Variants in SCGB2B2 observed in about 807,000 individuals in gnomAD.
SCGB2B2 encodes secretoglobin-like protein.
A neutral mutation model predicts 7.6 loss-of-function variants in SCGB2B2; 11 were observed. The observed-to-expected ratio is 1.45, with a 90% CI of 0.91 to 2.40. The LOEUF is 2.40. Ranked by LOEUF, SCGB2B2 falls within the 30% of genes most tolerant of loss-of-function variation. The probability of loss-of-function intolerance (pLI) is 0.00; values close to 1 mark genes in which losing one functional copy is unlikely to be tolerated. For missense variants in SCGB2B2, 104 were observed against 115.4 expected (o/e 0.90, Z 0.45); for synonymous variants, 50 against 48.6 (o/e 1.03, Z -0.12).
chr19:34,627,272 T>G (rs2066405905), intron 1 of SCGB2B2, among the ~76,000 whole-genome samples: 1 of 152,154 alleles, frequency 6.6e-6, no homozygotes, highest in Non-Finnish European at 1.5e-5. Flanking sequence ...TAACCTTAAA[T>G]GTAAATGGGC....
At chr19:34,618,475 T>G (rs2066150994) in intron 1 of SCGB2B2, among the ~76,000 whole-genome samples, 1 of 152,232 alleles carries the variant, frequency 6.6e-6, no homozygotes, top group Admixed American at 6.5e-5. Flanking sequence ...CCTTCAAATC[T>G]TAGCCAACTT....
rs193068434 is a variant in SCGB2B2 at position 34,595,782 on chromosome 19, T to G, written c.-1219A>C. ...TGTCTCCTGACAGGACCCTAAATTG[T>G]AAGTGTGACCCCAGGGGCAGAATCA... is the stretch of plus-strand genomic sequence containing the variant. On this transcript the variant is annotated 5_prime_UTR_variant, in exon 2 of 4. Coordinates refer to ENST00000601241, the MANE Select transcript of SCGB2B2 (RefSeq NM_001025591.4). 1 of 152,340 alleles carries G rather than the reference T, an allele frequency of 6.6e-6. No individual in the cohort carries two copies. Among genetic ancestry groups the G allele is most frequent in the Admixed American group, 6.5e-5 (1 of 15,292 alleles). 9.4% of individuals were successfully genotyped at this position (152,340 alleles called of 1,614,324 possible). A position where few individuals can be genotyped will look rare whatever the true frequency, so the allele number is the denominator to read the frequency against.
At chr19:34,645,535 GACACAGACACACACAC>G (rs1437596619) in intron 1 of SCGB2B2, 1,693 of 136,994 alleles carry the variant, frequency 0.012, 3 homozygotes, top group South Asian at 0.04. Flanking sequence ...GACACACACA[GACACAGACACACACAC>G]ACACACACAC....
chr19:34,605,083 T>C (rs1203549564), intron 1 of SCGB2B2, among the ~76,000 whole-genome samples: 1 of 152,230 alleles, frequency 6.6e-6, no homozygotes, highest in East Asian at 1.9e-4. Context: ...TCTGTCAGTA[T>C]AGATTAGTTT....
At chr19:34,664,501 G>A (rs770894306) in intron 1 of SCGB2B2, among the ~76,000 whole-genome samples, 1 of 152,218 alleles carries the variant, frequency 6.6e-6, no homozygotes, top group East Asian at 1.9e-4. Flanking sequence ...CCAGGTGCCT[G>A]TGCCTTGGCT....
intron 1 of SCGB2B2, among the ~76,000 whole-genome samples, chr19:34,599,120 A>C (rs2145769389): frequency 6.6e-6 from 1 of 152,332 alleles, no homozygotes; most frequent in East Asian, 1.9e-4. Flanking sequence ...GAGCTCCCTC[A>C]ACTGTAGGTT....
chr19:34,655,280 C>T (rs1253113208), intron 1 of SCGB2B2, among the ~76,000 whole-genome samples: 1 of 147,494 alleles, frequency 6.8e-6, no homozygotes, highest in Non-Finnish European at 1.5e-5. Flanking sequence ...AACATCAACA[C>T]AGACCTTAAG....
At chr19:34,630,645 A>T (rs1483553833) in intron 1 of SCGB2B2, among the ~76,000 whole-genome samples, 2 of 150,474 alleles carry the variant, frequency 1.3e-5, no homozygotes, top group African/African-American at 2.4e-5. Context: ...GAGAAATAGG[A>T]ACACTTTTAC....
chr19:34,669,140 G>A (rs1368186513), intron 1 of SCGB2B2, among the ~76,000 whole-genome samples: 1 of 152,002 alleles, frequency 6.6e-6, no homozygotes, highest in African/African-American at 2.4e-5. Flanking sequence ...AACTCCAGAC[G>A]CGCCGCCTTA....
intron 1 of SCGB2B2, among the ~76,000 whole-genome samples, chr19:34,601,325 C>T (rs1166232290): frequency 6.6e-6 from 1 of 152,192 alleles, no homozygotes; most frequent in Non-Finnish European, 1.5e-5. Flanking sequence ...AGAGGGAGTC[C>T]TTCCACTTTG....
intron 1 of SCGB2B2, among the ~76,000 whole-genome samples, chr19:34,662,502 A>AC (rs2067486919): frequency 1.7e-5 from 2 of 114,372 alleles, no homozygotes; most frequent in African/African-American, 3.8e-5. Context: ...TGTTTTTTAA[A>AC]CAACACACAC....
intron 1 of SCGB2B2, among the ~76,000 whole-genome samples, chr19:34,652,590 A>T (rs1262357047): frequency 6.6e-6 from 1 of 151,262 alleles, no homozygotes; most frequent in Non-Finnish European, 1.5e-5. Context: ...ATAGACACCA[A>T]CAGGTATTTT....
intron 1 of SCGB2B2, among the ~76,000 whole-genome samples, chr19:34,625,314 G>T (rs965717030): frequency 7.2e-5 from 11 of 152,202 alleles, no homozygotes; most frequent in African/African-American, 2.7e-4. Context: ...GACGAAGCAG[G>T]GCGAGGCATC....
chr19:34,642,062 G>T (rs2146011853), intron 1 of SCGB2B2, among the ~76,000 whole-genome samples: 1 of 152,332 alleles, frequency 6.6e-6, no homozygotes, highest in Admixed American at 6.5e-5. Flanking sequence ...GGAAGCTGCA[G>T]TGAAGGGAAC....
At chr19:34,608,841 T>C (rs971120770) in intron 1 of SCGB2B2, 1 of 151,758 alleles carries the variant, frequency 6.6e-6, no homozygotes, top group African/African-American at 2.4e-5. Flanking sequence ...CTTGGATGTA[T>C]ACCCAGTAAT....
intron 1 of SCGB2B2, among the ~76,000 whole-genome samples, chr19:34,620,460 T>C (rs995446223): frequency 3.8e-5 from 5 of 130,854 alleles, no homozygotes; most frequent in Non-Finnish European, 6.1e-5. Context: ...TTCTCACTCA[T>C]AGGTGGGAAT....
At chr19:34,647,527 G>A (rs17257805) in intron 1 of SCGB2B2, among the ~76,000 whole-genome samples, 45,571 of 151,840 alleles carry the variant, frequency 0.3, 7,568 homozygotes, top group Non-Finnish European at 0.37. Flanking sequence ...ATTTCCTCCC[G>A]GGTCAGACAT....
intron 1 of SCGB2B2, among the ~76,000 whole-genome samples, chr19:34,602,450 C>T (rs991703676): frequency 6.6e-6 from 1 of 152,138 alleles, no homozygotes; most frequent in Non-Finnish European, 1.5e-5. Context: ...TGGCGGTTTC[C>T]ACTTATTCTA....
intron 1 of SCGB2B2, among the ~76,000 whole-genome samples, chr19:34,674,613 TCA>T (rs1438176035): frequency 6.6e-6 from 1 of 152,018 alleles, no homozygotes; most frequent in East Asian, 1.9e-4. Flanking sequence ...AGGATGAAAA[TCA>T]CAGAGAATTT....
Sources: gnomAD v4.1 joint callset for allele counts (sites outside exome capture counted in the v4.1 genomes callset) on GRCh38, gnomAD v4.1.1 for gene constraint, MANE v1.5 for transcripts, NCBI Gene and HGNC (gene_info 2026-07-23, HGNC 2026-07-21) for gene names.